PCYOX1: variants seen among roughly 807,000 people sequenced by gnomAD.
PCYOX1 encodes prenylcysteine lyase.
A neutral mutation model predicts 46.4 loss-of-function variants in PCYOX1; 46 were observed. The ratio of observed to expected loss-of-function variants is 0.99; its 90% CI spans 0.78 to 1.27. The LOEUF (loss-of-function observed/expected upper bound fraction) is 1.27, where lower values mean the gene tolerates loss of function less well. Among genes scored for constraint, PCYOX1 ranks in the 50% most tolerant of loss-of-function variants. PCYOX1 has a pLI of 0.00. For missense variants in PCYOX1, 658 were observed against 628.3 expected (o/e 1.05, Z -0.51); for synonymous variants, 220 against 231.8 (o/e 0.95, Z 0.46).
At chr2:70,269,831 G>A (rs573500172) in intron 3 of PCYOX1, among the ~76,000 whole-genome samples, 99 of 152,210 alleles carry the variant, frequency 6.5e-4, no homozygotes, top group African/African-American at 2.1e-3. Flanking sequence ...GAGCTTTTTC[G>A]GAGCTGCCAG....
At chr2:70,276,029 G>A (rs1011191507) in intron 5 of PCYOX1, among the ~76,000 whole-genome samples, 1 of 150,732 alleles carries the variant, frequency 6.6e-6, no homozygotes, top group Non-Finnish European at 1.5e-5. Flanking sequence ...GAACCCAGGG[G>A]GCAGAGGTTG....
At chr2:70,267,551 G>C (rs1263321066) in intron 3 of PCYOX1, among the ~76,000 whole-genome samples, 1 of 152,128 alleles carries the variant, frequency 6.6e-6, no homozygotes. Context: ...ACCTCGGGAG[G>C]CCGAGGCTGG....
chr2:70,275,511 C>CA lies in PCYOX1; in HGVS notation c.707-2dup. ...TAAAACACATTTTTCCTCCTATTGACAGGGGCGGTGTCACTGTCCTGTTCT... is the reference window on the plus strand; with the variant it reads ...TAAAACACATTTTTCCTCCTATTGACAAGGGGCGGTGTCACTGTCCTGTTCT... On this transcript the variant is annotated splice_region_variant and splice_polypyrimidine_tract_variant and intron_variant, in intron 4 of 5. Transcript: ENST00000433351. The CA allele has an allele frequency of 6.2e-7, 1 of 1,612,802 alleles. No homozygotes were observed. Among genetic ancestry groups the CA allele is most frequent in the Non-Finnish European group, 8.5e-7 (1 of 1,179,614 alleles).
intron 4 of PCYOX1, 58 bp downstream of exon 4, chr2:70,275,228 C>T (rs954873930): frequency 4.4e-6 from 6 of 1,360,756 alleles, no homozygotes; most frequent in South Asian, 2.3e-5. Context: ...TTACCTGATG[C>T]TATGGTGGTT....
At chr2:70,273,083 G>A (rs1211450001) in intron 3 of PCYOX1, among the ~76,000 whole-genome samples, 1 of 152,136 alleles carries the variant, frequency 6.6e-6, no homozygotes, top group Non-Finnish European at 1.5e-5. Context: ...TCATCTCACC[G>A]CTGCCACCCC....
rs1696376718 is a variant in PCYOX1, at chr2:70,258,257, T to A, written c.93T>A (p.Arg31=). ...SCGCPEGAEL[R]APPDKIAIIG... Reference sequence around the variant, plus strand: ...GATGCCCCGAGGGCGCCGAGCTGCGTGCTCCGCCAGATAAAATCGGTAGGC... The same window carrying A: ...GATGCCCCGAGGGCGCCGAGCTGCGAGCTCCGCCAGATAAAATCGGTAGGC... Residue 31 remains arginine, a synonymous_variant, in exon 1 of 6, where the codon CGT becomes CGA. Transcript: ENST00000433351. 6.3e-7 allele frequency: 1 copy of A among 1,590,228 alleles called. No individual in the cohort carries two copies. Among genetic ancestry groups the A allele is most frequent in the South Asian group, 1.1e-5 (1 of 90,062 alleles).
intron 3 of PCYOX1, among the ~76,000 whole-genome samples, chr2:70,261,711 G>C (rs534725703): frequency 6.6e-6 from 1 of 152,120 alleles, no homozygotes; most frequent in Non-Finnish European, 1.5e-5. Flanking sequence ...AGAAGGTGGC[G>C]GTGTAGAGAG....
At chr2:70,268,623 C>T (rs1231448532) in intron 3 of PCYOX1, among the ~76,000 whole-genome samples, 1 of 151,956 alleles carries the variant, frequency 6.6e-6, no homozygotes, top group African/African-American at 2.4e-5. Context: ...CATGGTGAAA[C>T]CCCTTCTCTA....
chr2:70,265,579 C>T (rs956353271), intron 3 of PCYOX1, among the ~76,000 whole-genome samples: 7 of 152,166 alleles, frequency 4.6e-5, no homozygotes, highest in African/African-American at 7.2e-5. Context: ...ATTCATCTTT[C>T]TTTTCAAACA....
Position 70,277,329 on chromosome 2 carries a change from G to T in PCYOX1, c.1455G>T (p.Trp485Cys). ...HNAALLAYHR[W>C]NGHTDMIDQD... ...CTGCACTCCTTGCCTATCACCGCTG[G>T]AACGGGCACACAGACATGATTGATC... is the stretch of plus-strand genomic sequence containing the variant. Residue 485 changes from tryptophan to cysteine, a missense_variant, in exon 6 of 6, where the codon TGG (tryptophan) becomes TGT (cysteine). By Grantham distance (215) the Trp-to-Cys change is radical. Coordinates refer to ENST00000433351, the MANE Select transcript of PCYOX1 (RefSeq NM_016297.4). 6.2e-7 allele frequency: 1 copy of T among 1,613,962 alleles called. No homozygotes were observed. The highest frequency in any genetic ancestry group is 1.6e-4 in the Middle Eastern group (1 of 6,062).
At position 70,280,370 on chromosome 2, in the gene PCYOX1, T is replaced by A. The variant is rs1696755092; in HGVS notation, c.*2978T>A. 1 of 152,170 alleles carries A rather than the reference T, an allele frequency of 6.6e-6. No homozygotes were observed. Among genetic ancestry groups the A allele is most frequent in the African/African-American group, 2.4e-5 (1 of 41,426 alleles). The allele number at this position is 152,170 out of a possible 1,614,324, so 9.4% of individuals were successfully genotyped here. A position where few individuals can be genotyped will look rare whatever the true frequency, so the allele number is the denominator to read the frequency against. ...CAGAGCTTACTGCTCCAGACCTTTT[T>A]TTTTAATAGAAGAGACTGGTAAAAA... On this transcript the variant is annotated 3_prime_UTR_variant, in exon 6 of 6. Transcript: ENST00000433351.
chr2:70,275,202 T>C (rs2104899890), intron 4 of PCYOX1, 32 bp downstream of exon 4: 1 of 1,528,092 alleles, frequency 6.5e-7, no homozygotes. Flanking sequence ...TGGTGGACAT[T>C]AGTTCACAGA....
chr2:70,268,878 G>A (rs1018554959), intron 3 of PCYOX1, among the ~76,000 whole-genome samples: 1 of 151,346 alleles, frequency 6.6e-6, no homozygotes, highest in Non-Finnish European at 1.5e-5. Flanking sequence ...TGCAAGCCAA[G>A]GAAATAGGCC....
chr2:70,265,801 C>T (rs1369910393), intron 3 of PCYOX1, among the ~76,000 whole-genome samples: 1 of 152,130 alleles, frequency 6.6e-6, no homozygotes, highest in Non-Finnish European at 1.5e-5. Flanking sequence ...ATCCTTAACA[C>T]TTCTTGATCT....
At chr2:70,258,041 C>T (rs1414713395), upstream of PCYOX1, 6 of 691,188 alleles carry the variant, frequency 8.7e-6, no homozygotes, top group Non-Finnish European at 1.3e-5. Context: ...GCGGGGCTCG[C>T]AGGACCTGGG....
chr2:70,259,269 A>C lies in PCYOX1; in HGVS notation c.113-91A>C, dbSNP rs1203890092. 1.4e-5 allele frequency: 16 copies of C among 1,171,080 alleles called. No individual in the cohort carries two copies. The South Asian group carries it at 1.9e-4, about 14-fold the overall frequency. The allele number at this position is 1,171,080 out of a possible 1,614,324, so 72.5% of individuals were successfully genotyped here. On this transcript the variant is annotated intron_variant, in intron 1 of 5. Coordinates refer to ENST00000433351, the MANE Select transcript of PCYOX1 (RefSeq NM_016297.4). ...ATTGTTGGTAATAGCTTTGAGTAAC[A>C]ACCTCTGCTATTGATGGTCTTTCAA...
chr2:70,258,134 C>G (rs774468415), upstream of PCYOX1: 1 of 1,549,998 alleles, frequency 6.5e-7, no homozygotes, highest in South Asian at 1.1e-5. Flanking sequence ...CTGCGGGGCT[C>G]TTGAGGCCAG....
rs1431387227 is a variant in PCYOX1, at chr2:70,278,126, TGAA to T, written c.*737_*739del. The T allele has an allele frequency of 6.6e-6, 1 of 152,534 alleles. No homozygotes were observed. Among genetic ancestry groups the T allele is most frequent in the East Asian group, 1.9e-4 (1 of 5,200 alleles). 9.4% of individuals were successfully genotyped at this position (152,534 alleles called of 1,614,324 possible). A position where few individuals can be genotyped will look rare whatever the true frequency, so the allele number is the denominator to read the frequency against. ...ATTTAGAAGTCTTAGTAATGTAACT[TGAA>T]GATGTTAAACAAAAATCTCAAGTAA... is the stretch of plus-strand genomic sequence containing the variant. On this transcript the variant is annotated 3_prime_UTR_variant, in exon 6 of 6. Transcript: ENST00000433351.
In PCYOX1 at chr2:70,279,794, A is replaced by G. The variant is rs530045263; in HGVS notation, c.*2402A>G. On this transcript the variant is annotated 3_prime_UTR_variant, in exon 6 of 6. Transcript: ENST00000433351. ...CGAGACTCTGTCTCAGAAAAAAAAAACAAAAACCAGTTTAGGCTGGGTATG... is the reference window on the plus strand; with the variant it reads ...CGAGACTCTGTCTCAGAAAAAAAAAGCAAAAACCAGTTTAGGCTGGGTATG... The G allele has an allele frequency of 1.3e-5, 2 of 150,922 alleles. No individual in the cohort carries two copies. The highest frequency in any genetic ancestry group is 4.9e-5 in the African/African-American group (2 of 40,950). 9.3% of individuals were successfully genotyped at this position (150,922 alleles called of 1,614,324 possible).
Sources: allele counts gnomAD v4.1 joint callset (sites outside exome capture counted in the v4.1 genomes callset), GRCh38; gene constraint gnomAD v4.1.1; transcripts MANE v1.5; gene names NCBI Gene and HGNC (gene_info 2026-07-23, HGNC 2026-07-21).